The following KYAT1 variants were observed in gnomAD, a reference collection of about 807,000 sequenced individuals.
KYAT1 encodes the protein kynurenine--oxoglutarate transaminase 1.
In KYAT1, 47 loss-of-function variants were observed where a neutral mutation model predicts 52.4. The observed-to-expected ratio is 0.90, with a 90% CI of 0.71 to 1.14. The LOEUF is 1.14. Among genes scored for constraint, KYAT1 ranks in the 50% most tolerant of loss-of-function variants. KYAT1 has a pLI of 0.00. For missense variants in KYAT1, 480 were observed against 557.9 expected, an observed-to-expected ratio of 0.86 and a Z score of 1.41; for synonymous variants, 212 against 209.6, an observed-to-expected ratio of 1.01 and a Z score of -0.10.
At chr9:128,838,420 G>A (rs1831535532) in intron 3 of KYAT1, 53 bp from the exon 4 acceptor site, 5 of 1,608,646 alleles carry the variant, frequency 3.1e-6, no homozygotes, top group East Asian at 2.2e-5. Context: ...CCATCCTCCG[G>A]CCCAGCTGTA....
intron 1 of KYAT1, among the ~76,000 whole-genome samples, chr9:128,869,450 C>G (rs998189739): frequency 1.3e-5 from 2 of 152,220 alleles, no homozygotes; most frequent in East Asian, 3.9e-4. Context: ...CGTGAGCCAC[C>G]GTACCCGGCA....
rs142533316 is a variant in KYAT1 at position 128,848,573 on chromosome 9, T to G, written c.-6-3162A>C. The stretch of plus-strand genomic sequence containing the variant: ...TGGCTCACGCCTGTAATCCCAGCAC[T>G]GTGGGAGGCTGAGGCGAGTGGATCA... On this transcript the variant is annotated intron_variant, in intron 1 of 12. Transcript: ENST00000302586. Among the ~76,000 whole-genome samples, 230 of 151,892 alleles carry G rather than the reference T, an allele frequency of 1.5e-3. 1 individual carries two copies. Among genetic ancestry groups the G allele is most frequent in the African/African-American group, 5.2e-3 (217 of 41,402 alleles).
intron 7 of KYAT1, 24 bp downstream of exon 7, chr9:128,836,778 G>C: frequency 6.2e-7 from 1 of 1,609,100 alleles, no homozygotes; most frequent in Non-Finnish European, 8.5e-7. Flanking sequence ...TGCAGGGGAG[G>C]GGCCCCAGGC....
intron 3 of KYAT1, among the ~76,000 whole-genome samples, chr9:128,841,729 G>C (rs1417834579): frequency 6.6e-6 from 1 of 150,534 alleles, no homozygotes; most frequent in East Asian, 2.0e-4. Flanking sequence ...AGGGTTCAGT[G>C]GCTCACGCCT....
chr9:128,851,480 G>A (rs79524508), intron 1 of KYAT1, among the ~76,000 whole-genome samples: 1 of 152,044 alleles, frequency 6.6e-6, no homozygotes, highest in Non-Finnish European at 1.5e-5. Context: ...ATCTAATTAC[G>A]CTATTTCAAA....
At chr9:128,850,706 C>T (rs977443299) in intron 1 of KYAT1, among the ~76,000 whole-genome samples, 1 of 152,180 alleles carries the variant, frequency 6.6e-6, no homozygotes, top group Non-Finnish European at 1.5e-5. Flanking sequence ...AGAGGAAAGC[C>T]TCATGAAGTT....
chr9:128,848,820 CAAAA>C (rs746737161), intron 1 of KYAT1, among the ~76,000 whole-genome samples: 2 of 57,062 alleles, frequency 3.5e-5, no homozygotes, highest in African/African-American at 7.1e-5. Context: ...GACTCTGTCT[CAAAA>C]AAAAAAAAAA....
At chr9:128,846,921 C>T in intron 1 of KYAT1, 2 of 1,399,608 alleles carry the variant, frequency 1.4e-6, no homozygotes, top group South Asian at 2.6e-5. Flanking sequence ...TCAGTTCCCA[C>T]TGCACTCTCA....
chr9:128,846,317 C>T (rs561415020), intron 1 of KYAT1, among the ~76,000 whole-genome samples: 50 of 152,320 alleles, frequency 3.3e-4, no homozygotes, highest in African/African-American at 1.2e-3. Flanking sequence ...GTTATCCCAG[C>T]TACTTGGGAG....
chr9:128,864,694 C>T (rs1259752546), intron 1 of KYAT1, among the ~76,000 whole-genome samples: 7 of 152,066 alleles, frequency 4.6e-5, no homozygotes, highest in East Asian at 2.0e-4. Flanking sequence ...CTGCAACCTC[C>T]GCCTCCCATG....
rs1832376539 is a variant in KYAT1, at chr9:128,842,537, G to T, written c.201+117C>A. The T allele has an allele frequency of 3.0e-5, 31 of 1,033,502 alleles. No homozygotes were observed. In the South Asian group the frequency reaches 4.0e-4, roughly 13 times the overall value. The allele number at this position is 1,033,502 out of a possible 1,614,324, so 64.0% of individuals were successfully genotyped here. ...TACGCTCAGTAAACACTGAACTATG[G>T]TCATACAGAATCCCCTGGCTCTGTC... is the stretch of plus-strand genomic sequence containing the variant. On this transcript the variant is annotated intron_variant, in intron 3 of 12. Transcript: ENST00000302586.
chr9:128,872,538 TG>T (rs1564500410), intron 1 of KYAT1, among the ~76,000 whole-genome samples: 1 of 147,630 alleles, frequency 6.8e-6, no homozygotes, highest in African/African-American at 2.5e-5. Context: ...GAGGCCGAGG[TG>T]GGCGGATCAC....
intron 1 of KYAT1, among the ~76,000 whole-genome samples, chr9:128,873,120 AG>A (rs1303430560): frequency 6.6e-6 from 1 of 151,634 alleles, no homozygotes; most frequent in African/African-American, 2.4e-5. Context: ...AATTGTGCAA[AG>A]AGAACTTAAT....
intron 1 of KYAT1, among the ~76,000 whole-genome samples, chr9:128,881,556 G>A (rs1467547950): frequency 6.6e-6 from 1 of 152,132 alleles, no homozygotes; most frequent in Non-Finnish European, 1.5e-5. Flanking sequence ...CGAGGACCCA[G>A]CGGGATTTAT....
chr9:128,841,824 C>T (rs191699384), intron 3 of KYAT1, among the ~76,000 whole-genome samples: 3 of 152,008 alleles, frequency 2.0e-5, no homozygotes, highest in Admixed American at 6.6e-5. Flanking sequence ...ATGGTGAAAC[C>T]CTGTCTCTAA....
chr9:128,836,255 C>A, intron 7 of KYAT1, 182 bp from the exon 8 acceptor site: 1 of 200,412 alleles, frequency 5.0e-6, no homozygotes, highest in Non-Finnish European at 1.0e-5. Flanking sequence ...CCTTCTTTCT[C>A]TCTCTCTCTC....
At chr9:128,843,181 C>A (rs1386560062) in intron 2 of KYAT1, among the ~76,000 whole-genome samples, 1 of 151,770 alleles carries the variant, frequency 6.6e-6, no homozygotes, top group Non-Finnish European at 1.5e-5. Context: ...AAAACAAAAA[C>A]AAAAAACAAA....
intron 1 of KYAT1, among the ~76,000 whole-genome samples, chr9:128,868,039 C>G (rs1047401776): frequency 4.6e-5 from 7 of 152,272 alleles, no homozygotes; most frequent in Middle Eastern, 3.4e-3. Context: ...TCCCAAAGTA[C>G]TGGGATTACA....
intron 2 of KYAT1, among the ~76,000 whole-genome samples, chr9:128,845,077 A>G (rs1223863116): frequency 6.6e-6 from 1 of 151,986 alleles, no homozygotes; most frequent in African/African-American, 2.4e-5. Context: ...TTCCTCCCCA[A>G]CGCTCTCCAG....
Sources: gnomAD v4.1 joint callset for allele counts (sites outside exome capture counted in the v4.1 genomes callset) on GRCh38, gnomAD v4.1.1 for gene constraint, MANE v1.5 for transcripts, NCBI Gene and HGNC (gene_info 2026-07-23, HGNC 2026-07-21) for gene names.